The following WDR33 variants were observed in gnomAD, a reference collection of about 807,000 sequenced individuals.
WDR33 encodes the protein WD repeat domain 33.
Under a neutral mutation model 164.9 loss-of-function variants are expected in WDR33, and 47 were observed. That is an observed-to-expected ratio of 0.29 (90% CI 0.23 to 0.36). WDR33 has a LOEUF of 0.36. WDR33 is among the 10% of genes least tolerant of loss of function. The pLI, the probability that WDR33 is intolerant of heterozygous loss-of-function variation, is 1.00. For missense variants in WDR33, 1,137 were observed against 1,754.1 expected, an observed-to-expected ratio of 0.65 and a Z score of 6.28; for synonymous variants, 505 against 589.0, an observed-to-expected ratio of 0.86 and a Z score of 2.06.
At chr2:127,798,367 CAAAAAAAAA>C (rs61568967) in intron 1 of WDR33, among the ~76,000 whole-genome samples, 13 of 19,290 alleles carry the variant, frequency 6.7e-4, no homozygotes, top group African/African-American at 1.0e-3. Context: ...GACACCGTCG[CAAAAAAAAA>C]AAAAAAAAAA....
rs898774749 is a variant in WDR33, at chr2:127,710,837, T to C, written c.3309-981A>G. Among the ~76,000 whole-genome samples, 9 of 152,182 alleles carry C rather than the reference T, an allele frequency of 5.9e-5. No homozygotes were observed. Among genetic ancestry groups the C allele is most frequent in the African/African-American group, 2.2e-4 (9 of 41,452 alleles). On this transcript the variant is annotated intron_variant, in intron 18 of 21. Transcript: ENST00000322313. This position sits in a 1 kb window ranked among gnomAD's most constrained non-coding sequence, Gnocchi z 4.4. ...TCCTAATCTTCTACTTGGAAGATTTTCAAACTTACAGTAAAGCTGAAAGAA... is the reference window on the plus strand; with the variant it reads ...TCCTAATCTTCTACTTGGAAGATTTCCAAACTTACAGTAAAGCTGAAAGAA...
intron 1 of WDR33, among the ~76,000 whole-genome samples, chr2:127,791,564 G>A (rs1688846497): frequency 6.6e-6 from 1 of 151,946 alleles, no homozygotes. Flanking sequence ...CCATCATGAG[G>A]GCCCCAACCT....
chr2:127,789,128 CT>C (rs1322292605), intron 1 of WDR33, among the ~76,000 whole-genome samples: 3 of 20,590 alleles, frequency 1.5e-4, no homozygotes, highest in African/African-American at 5.5e-4. Flanking sequence ...ACGCTCCTCA[CT>C]TCCTAGATGT....
intron 7 of WDR33, chr2:127,736,308 A>G (rs1686839984): frequency 1.0e-5 from 10 of 985,408 alleles, no homozygotes; most frequent in Admixed American, 6.1e-5. Context: ...GGGGAAGGGC[A>G]TGTAAAGGGG....
chr2:127,805,860 C>T (rs1253976685), intron 1 of WDR33, among the ~76,000 whole-genome samples: 1 of 152,042 alleles, frequency 6.6e-6, no homozygotes, highest in Non-Finnish European at 1.5e-5. Context: ...TCTGTATTCC[C>T]TGCCATAATA....
chr2:127,713,447 CA>C lies in WDR33; in HGVS notation c.3308+135del. 9.9e-7 allele frequency: 1 copy of C among 1,014,018 alleles called. No homozygotes were observed. The highest frequency in any genetic ancestry group is 1.6e-5 in the African/African-American group (1 of 61,762). The allele number at this position is 1,014,018 out of a possible 1,614,324, so 62.8% of individuals were successfully genotyped here. ...CACACTTTTTTTAAACGTCCAAATG[CA>C]AACTCTACAGAGTGCAGGGCTGGTA... On this transcript the variant is annotated intron_variant, in intron 18 of 21. Transcript: ENST00000322313. This position sits in a 1 kb window ranked among gnomAD's most constrained non-coding sequence, Gnocchi z 6.2.
At chr2:127,760,099 T>C (rs1444023373) in intron 7 of WDR33, among the ~76,000 whole-genome samples, 1 of 152,198 alleles carries the variant, frequency 6.6e-6, no homozygotes, top group Non-Finnish European at 1.5e-5. Context: ...AAGAAAGAAT[T>C]TCCTGAAAAT....
At chr2:127,799,101 A>G (rs1689147311) in intron 1 of WDR33, 3 of 152,212 alleles carry the variant, frequency 2.0e-5, no homozygotes, top group African/African-American at 7.2e-5. Flanking sequence ...AGGAGAATCT[A>G]CATTCTCAAA....
chr2:127,769,411 A>G (rs1419768902), intron 2 of WDR33, among the ~76,000 whole-genome samples: 2 of 152,124 alleles, frequency 1.3e-5, no homozygotes, highest in African/African-American at 2.4e-5. Context: ...AGCCTGCGCA[A>G]CAGAGCGAGA....
rs147043250 is a variant in WDR33, at chr2:127,709,825, C to T, written c.3340G>A (p.Gly1114Ser). The part of the protein sequence containing the change: ...FRRGAPPRHE[G>S]RAPPRGRDGF... ...TCCCTTCCTCTGGGGGGAGCACGGC[C>T]CTCATGCCTCGGCGGGGCTCCTCTT... Residue 1114 changes from glycine (G) to serine (S), a missense_variant, in exon 19 of 22, where the codon GGC (glycine) becomes AGC (serine). Around this residue, in one of 9 missense-constraint regions of WDR33, gnomAD observed 867 missense variants for 1,073.0 expected, o/e 0.81. Transcript: ENST00000322313. This position sits in a 1 kb window ranked among gnomAD's most constrained non-coding sequence, Gnocchi z 5.0. The T allele has an allele frequency of 2.1e-4, 339 of 1,614,100 alleles. 1 individual carries two copies. The highest frequency in any genetic ancestry group is 2.3e-4 in the Non-Finnish European group (277 of 1,180,062).
rs1417933880 is a variant in WDR33, at chr2:127,770,471, C to T, written c.204+307G>A. On this transcript the variant is annotated intron_variant, in intron 2 of 21. Coordinates refer to ENST00000322313, the MANE Select transcript of WDR33 (RefSeq NM_018383.5). The surrounding 1 kb of genome is among the most constrained non-coding windows in gnomAD (Gnocchi z 4.9). ...TTGGGAGACTGAGGCAGGTGGATCA[C>T]CTGAGGTTAGGAGTTTGAGACCAGC... Among the ~76,000 whole-genome samples the T allele has an allele frequency of 6.6e-6, 1 of 152,088 alleles. No homozygotes were observed. Among genetic ancestry groups the T allele is most frequent in the Non-Finnish European group, 1.5e-5 (1 of 68,026 alleles).
chr2:127,744,230 T>C (rs1041464036), intron 7 of WDR33, among the ~76,000 whole-genome samples: 37 of 152,334 alleles, frequency 2.4e-4, no homozygotes, highest in Admixed American at 2.3e-3. Context: ...CTTTGCTCCA[T>C]TGAGTTTATT....
Position 127,701,384 on chromosome 2 carries a change from A to G in WDR33, c.*4939T>C, listed in dbSNP as rs6713423. The G allele has an allele frequency of 0.13, 102,171 of 775,238 alleles. 7,190 individuals are homozygous for G. Among genetic ancestry groups the G allele is most frequent in the South Asian group, 0.25 (4,023 of 15,980 alleles). 48.0% of individuals were successfully genotyped at this position (775,238 alleles called of 1,614,324 possible). A position where few individuals can be genotyped will look rare whatever the true frequency, so the allele number is the denominator to read the frequency against. On this transcript the variant is annotated 3_prime_UTR_variant, in exon 22 of 22. Coordinates refer to ENST00000322313, the MANE Select transcript of WDR33 (RefSeq NM_018383.5). ...TTGGGGACACCACAAAAGTCCGCAG[A>G]GCAGGCACCGCGGCACTTCCGCGAG...
At position 127,712,155 on chromosome 2, in the gene WDR33, G is replaced by C. The variant is rs186701684; in HGVS notation, c.3308+1428C>G. Reference sequence around the variant, plus strand: ...TCACGCCTATAATCCCTGCACTCTGGGGGGGCTGAAGAACGTGGATCACTT... The same window carrying C: ...TCACGCCTATAATCCCTGCACTCTGCGGGGGCTGAAGAACGTGGATCACTT... On this transcript the variant is annotated intron_variant, in intron 18 of 21. Coordinates refer to ENST00000322313, the MANE Select transcript of WDR33 (RefSeq NM_018383.5). This position sits in a 1 kb window ranked among gnomAD's most constrained non-coding sequence, Gnocchi z 4.0. Among the ~76,000 whole-genome samples, 11 of 152,072 alleles carry C rather than the reference G, an allele frequency of 7.2e-5. No individual in the cohort carries two copies. The highest frequency in any genetic ancestry group is 1.2e-4 in the African/African-American group (5 of 41,422).
chr2:127,701,717 C>A lies in WDR33; in HGVS notation c.*4606G>T, dbSNP rs1685886560. ...GGAGCCCTGCGGAGTCGGCAGCGGCCGGCCTGACGTGCCTCCCGAGCGTGA... is the reference window on the plus strand; with the variant it reads ...GGAGCCCTGCGGAGTCGGCAGCGGCAGGCCTGACGTGCCTCCCGAGCGTGA... On this transcript the variant is annotated 3_prime_UTR_variant, in exon 22 of 22. Transcript: ENST00000322313. 3 of 1,347,066 alleles carry A rather than the reference C, an allele frequency of 2.2e-6. No homozygotes were observed. The highest frequency in any genetic ancestry group is 3.7e-5 in the Admixed American group (1 of 26,770). 83.4% of individuals were successfully genotyped at this position (1,347,066 alleles called of 1,614,324 possible). A position where few individuals can be genotyped will look rare whatever the true frequency, so the allele number is the denominator to read the frequency against.
At chr2:127,775,371 T>C (rs960595877) in intron 1 of WDR33, among the ~76,000 whole-genome samples, 1 of 152,182 alleles carries the variant, frequency 6.6e-6, no homozygotes, top group Non-Finnish European at 1.5e-5. Flanking sequence ...GTCTTTTTAA[T>C]AGAGCCGGGG....
At chr2:127,809,912 T>A (rs572307096) in intron 1 of WDR33, among the ~76,000 whole-genome samples, 1 of 152,102 alleles carries the variant, frequency 6.6e-6, no homozygotes, top group African/African-American at 2.4e-5. Context: ...AAAAGTATCT[T>A]ACAGTAATAA....
Position 127,805,932 on chromosome 2 carries a change from A to G in WDR33, c.-24+5080T>C, listed in dbSNP as rs1689423084. Among the ~76,000 whole-genome samples the G allele has an allele frequency of 5.3e-5, 8 of 150,816 alleles. No individual in the cohort carries two copies. The South Asian group carries it at 1.7e-3, about 32-fold the overall frequency. On this transcript the variant is annotated intron_variant, in intron 1 of 21. Coordinates refer to ENST00000322313, the MANE Select transcript of WDR33 (RefSeq NM_018383.5). ...TGAAGCTGGAGTCTACTGCACATTA[A>G]AGAATAAACTTTTGTTTAAAAAAAA...
At position 127,714,178 on chromosome 2, in the gene WDR33, A is replaced by T. The variant is rs1010959494; in HGVS notation, c.2870-157T>A. Among the ~76,000 whole-genome samples, 2 of 152,210 alleles carry T rather than the reference A, an allele frequency of 1.3e-5. No individual in the cohort carries two copies. Among genetic ancestry groups the T allele is most frequent in the African/African-American group, 4.8e-5 (2 of 41,450 alleles). ...GTTAGGAGACAAATGTCCCTGAAGC[A>T]TTGGGTAATAGAACAGGAGCTTTGG... On this transcript the variant is annotated intron_variant, in intron 17 of 21. Transcript: ENST00000322313. This position sits in a 1 kb window ranked among gnomAD's most constrained non-coding sequence, Gnocchi z 4.3.
Sources: allele counts gnomAD v4.1 joint callset (sites outside exome capture counted in the v4.1 genomes callset), GRCh38; gene constraint gnomAD v4.1.1; regional missense constraint gnomAD v4.1.1; non-coding constraint Gnocchi (gnomAD v3.1); transcripts MANE v1.5; gene names NCBI Gene and HGNC (gene_info 2026-07-23, HGNC 2026-07-21).